The following CEMIP variants were observed in gnomAD, a reference collection of about 807,000 sequenced individuals.
The protein encoded by CEMIP is cell migration inducing hyaluronidase 1, also known as cell migration-inducing and hyaluronan-binding protein.
A neutral mutation model predicts 156.9 loss-of-function variants in CEMIP; 105 were observed. That is an observed-to-expected ratio of 0.67 (90% CI 0.57 to 0.79). The LOEUF is 0.79. Ranked by LOEUF, CEMIP falls within the 30% of genes least tolerant of loss-of-function variation. The probability of loss-of-function intolerance (pLI) is 0.00; values close to 1 mark genes in which losing one functional copy is unlikely to be tolerated. For missense variants in CEMIP, 1,457 were observed against 1,769.4 expected (o/e 0.82, Z 3.17); for synonymous variants, 676 against 668.4 (o/e 1.01, Z -0.17).
chr15:80,905,353 G>A (rs1209443804), intron 12 of CEMIP, among the ~76,000 whole-genome samples: 2 of 152,228 alleles, frequency 1.3e-5, no homozygotes, highest in African/African-American at 4.8e-5. Flanking sequence ...CCTCAGTGAA[G>A]AGCCCAACGA....
chr15:80,921,006 C>G, intron 15 of CEMIP, 26 bp from the exon 16 acceptor site: 1 of 1,610,732 alleles, frequency 6.2e-7, no homozygotes, highest in Non-Finnish European at 8.5e-7. Flanking sequence ...TTTATCTGAT[C>G]TCAGGTATCT....
chr15:80,851,712 G>T (rs1248766072), intron 1 of CEMIP, among the ~76,000 whole-genome samples: 1 of 152,154 alleles, frequency 6.6e-6, no homozygotes, highest in Non-Finnish European at 1.5e-5. Context: ...TGGGCAGGGG[G>T]TCATCTGGTG....
rs545982788 is a variant in CEMIP at position 80,948,922 on chromosome 15, T to G, written c.4084T>G (p.Ter1362GlyextTer11). The change falls in exon 30 of 30, where the codon TGA (stop) becomes GGA (glycine). Residue 1362 changes from the stop codon to glycine (G), a stop_lost. Coordinates refer to ENST00000394685, the MANE Select transcript of CEMIP (RefSeq NM_001293298.2). ...CCCTGTGGTGAAGAAGAAGAAGTTG[T>G]GAGGACAGCTGCCGCCCGGTGCCAC... ...PIPVVKKKKL* is the reference protein window; with the variant it reads ...PIPVVKKKKLG 9.3e-6 allele frequency: 15 copies of G among 1,614,112 alleles called. No homozygotes were observed. In the African/African-American group the frequency reaches 1.7e-4, roughly 19 times the overall value.
intron 12 of CEMIP, among the ~76,000 whole-genome samples, chr15:80,900,377 A>AGATCCTGCGCCCACCT (rs1899425802): frequency 6.6e-6 from 1 of 152,064 alleles, no homozygotes; most frequent in Non-Finnish European, 1.5e-5. Flanking sequence ...TAAGTGGAGA[A>AGATCCTGCGCCCACCT]GATCCTGCGC....
chr15:80,930,950 C>A (rs952088834), intron 21 of CEMIP, among the ~76,000 whole-genome samples: 1 of 152,176 alleles, frequency 6.6e-6, no homozygotes, highest in African/African-American at 2.4e-5. Context: ...TGGGGCCAGG[C>A]CCAAGAAGGA....
intron 14 of CEMIP, among the ~76,000 whole-genome samples, chr15:80,912,946 A>G (rs1900122968): frequency 1.3e-5 from 2 of 152,192 alleles, no homozygotes; most frequent in South Asian, 4.1e-4. Context: ...GTAGCATCAC[A>G]GAAGCCTTTT....
intron 1 of CEMIP, among the ~76,000 whole-genome samples, chr15:80,861,059 C>T (rs1181924274): frequency 6.6e-6 from 1 of 152,094 alleles, no homozygotes; most frequent in South Asian, 2.1e-4. Context: ...TCTATTCTTC[C>T]TCCTGTAACC....
intron 1 of CEMIP, among the ~76,000 whole-genome samples, chr15:80,849,529 A>G (rs1453250496): frequency 6.6e-6 from 1 of 152,136 alleles, no homozygotes; most frequent in Non-Finnish European, 1.5e-5. Flanking sequence ...GGGATCGGTT[A>G]CCAACTCTGC....
At chr15:80,842,111 T>C in intron 1 of CEMIP, 1 of 525,420 alleles carries the variant, frequency 1.9e-6, no homozygotes, top group Non-Finnish European at 3.9e-6. Context: ...ACAGTCAACT[T>C]AGAAACACAC....
intron 19 of CEMIP, among the ~76,000 whole-genome samples, chr15:80,928,518 C>T (rs1900780131): frequency 6.6e-6 from 1 of 152,190 alleles, no homozygotes; most frequent in Non-Finnish European, 1.5e-5. Context: ...CTCCACCTTT[C>T]CCTGGTGCTG....
At chr15:80,925,602 C>G in intron 18 of CEMIP, 22 bp from the exon 19 acceptor site, 1 of 1,610,418 alleles carries the variant, frequency 6.2e-7, no homozygotes, top group Non-Finnish European at 8.5e-7. Context: ...CCACCTGTGC[C>G]CTCCCCATGG....
chr15:80,851,736 C>T (rs1202109674), intron 1 of CEMIP, among the ~76,000 whole-genome samples: 2 of 151,794 alleles, frequency 1.3e-5, no homozygotes, highest in Non-Finnish European at 2.9e-5. Flanking sequence ...CTAGCGTGGC[C>T]AGAGTGTAAG....
rs1016188293 is a variant in CEMIP, at chr15:80,909,271, C to T, written c.1762C>T (p.Arg588Cys). The change falls in exon 14 of 30, where the codon CGC becomes TGC. Residue 588 changes from arginine to cysteine, a missense_variant. By Grantham distance (180) the Arg-to-Cys change is radical (BLOSUM62 -3). Transcript: ENST00000394685. ...RDLSIHHTFS[R>C]CVTVHGSNGL... is the part of the protein sequence containing the mutation. The stretch of plus-strand genomic sequence containing the variant: ...CCTCTCCATCCATCATACATTCTCT[C>T]GCTGCGTCACAGTCCATGGCTCCAA... 8.1e-6 allele frequency: 13 copies of T among 1,614,070 alleles called. No individual in the cohort carries two copies. The highest frequency in any genetic ancestry group is 1.7e-5 in the Admixed American group (1 of 60,006).
At chr15:80,853,887 C>G (rs929996713) in intron 1 of CEMIP, among the ~76,000 whole-genome samples, 1 of 152,248 alleles carries the variant, frequency 6.6e-6, no homozygotes, top group Non-Finnish European at 1.5e-5. Flanking sequence ...TGAATTGAGA[C>G]CTTGCTTTGA....
At chr15:80,865,471 C>T (rs549734881) in intron 1 of CEMIP, among the ~76,000 whole-genome samples, 6 of 152,110 alleles carry the variant, frequency 3.9e-5, no homozygotes, top group African/African-American at 7.2e-5. Context: ...TGAGCCACCG[C>T]GCCCGGCCAA....
At chr15:80,828,623 G>A (rs559173280) in intron 1 of CEMIP, among the ~76,000 whole-genome samples, 2 of 152,332 alleles carry the variant, frequency 1.3e-5, no homozygotes, top group African/African-American at 2.4e-5. Context: ...TTCTGGTGAT[G>A]TAAATATATA....
Position 80,881,046 on chromosome 15 carries a change from G to A in CEMIP, c.527G>A (p.Gly176Glu). ...KTLHPGGMAE[G>E]GYFFERSWGH... Reference sequence around the variant, plus strand: ...CTTCACCCAGGTGGCATGGCAGAAGGAGGCTATTTTTTTGAAAGGAGCTGG... The same window carrying A: ...CTTCACCCAGGTGGCATGGCAGAAGAAGGCTATTTTTTTGAAAGGAGCTGG... Residue 176 changes from glycine (G) to glutamate (E), a missense_variant, in exon 6 of 30, where the codon GGA becomes GAA. Gly to Glu is a moderately conservative substitution (Grantham distance 98, BLOSUM62 -2). Coordinates refer to ENST00000394685, the MANE Select transcript of CEMIP (RefSeq NM_001293298.2). 6.2e-7 allele frequency: 1 copy of A among 1,614,224 alleles called. No individual in the cohort carries two copies. Among genetic ancestry groups the A allele is most frequent in the African/African-American group, 1.3e-5 (1 of 75,060 alleles).
At chr15:80,856,961 A>G (rs544642484) in intron 1 of CEMIP, among the ~76,000 whole-genome samples, 118 of 152,128 alleles carry the variant, frequency 7.8e-4, no homozygotes, top group African/African-American at 2.7e-3. Context: ...ATGCGTTAGA[A>G]CCCCACCTGC....
chr15:80,933,125 C>G (rs1486266182), intron 22 of CEMIP, 120 bp from the exon 23 acceptor site: 1 of 856,798 alleles, frequency 1.2e-6, no homozygotes, highest in African/African-American at 1.7e-5. Flanking sequence ...TGCCCGAGAG[C>G]ATCTTTGTTT....
Sources: allele counts gnomAD v4.1 joint callset (sites outside exome capture counted in the v4.1 genomes callset), GRCh38; gene constraint gnomAD v4.1.1; transcripts MANE v1.5; gene names NCBI Gene and HGNC (gene_info 2026-07-23, HGNC 2026-07-21).